Variants in C12orf42 observed in about 807,000 individuals in gnomAD.
C12orf42 encodes the protein chromosome 12 open reading frame 42, also known as uncharacterized protein C12orf42.
In C12orf42, 25 loss-of-function variants were observed where a neutral mutation model predicts 21.6. That is an observed-to-expected ratio of 1.16 (90% CI 0.84 to 1.62). The LOEUF is 1.62. C12orf42 is among the 40% of genes most tolerant of loss of function. The probability of loss-of-function intolerance (pLI) is 0.00; values close to 1 mark genes in which losing one functional copy is unlikely to be tolerated. For missense variants in C12orf42, 483 were observed against 459.3 expected, an observed-to-expected ratio of 1.05 and a Z score of -0.47; for synonymous variants, 174 against 175.0, an observed-to-expected ratio of 0.99 and a Z score of 0.05.
At chr12:103,433,275 T>A (rs967116208) in intron 2 of C12orf42, among the ~76,000 whole-genome samples, 1 of 152,240 alleles carries the variant, frequency 6.6e-6, no homozygotes. Flanking sequence ...TTTTTCTTTA[T>A]ACAAATACTG....
chr12:103,231,776 T>C, the C12orf42 span, among the ~76,000 whole-genome samples: 1 of 152,346 alleles, frequency 6.6e-6, no homozygotes, highest in African/African-American at 2.4e-5. Flanking sequence ...TACACATTCA[T>C]GTGCAGATTT....
At chr12:103,248,147 C>T (rs1416139365) in intron 10 of C12orf42, among the ~76,000 whole-genome samples, 1 of 151,902 alleles carries the variant, frequency 6.6e-6, no homozygotes, top group African/African-American at 2.4e-5. Context: ...ACCTAAAATT[C>T]CTTTGAGTTG....
rs978985514 is a variant in C12orf42 at position 103,495,509 on chromosome 12, G to A, written c.-22+393C>T. On this transcript the variant is annotated intron_variant, in intron 1 of 5. Coordinates refer to ENST00000548883, the MANE Select transcript of C12orf42 (RefSeq NM_198521.5). ...GGGAGGGCGGCGGTGGCATCGCTGC[G>A]CGGGGCGCATTGTGGGCCGCGCTCG... Among the ~76,000 whole-genome samples the A allele has an allele frequency of 2.6e-5, 4 of 152,000 alleles. No homozygotes were observed. The South Asian group carries it at 6.2e-4, about 24-fold the overall frequency.
At chr12:103,078,571 G>C in the C12orf42 span, among the ~76,000 whole-genome samples, 19 of 152,284 alleles carry the variant, frequency 1.2e-4, no homozygotes, top group Middle Eastern at 0.01. Flanking sequence ...ATAGTCAACT[G>C]TATGATGGCT....
intron 2 of C12orf42, among the ~76,000 whole-genome samples, chr12:103,439,114 A>C (rs1950987949): frequency 6.6e-6 from 1 of 152,026 alleles, no homozygotes; most frequent in South Asian, 2.1e-4. Context: ...CATATCTACA[A>C]CTATCTGATC....
chr12:103,148,636 A>AGTT, the C12orf42 span, among the ~76,000 whole-genome samples: 44,752 of 151,884 alleles, frequency 0.29, 7,633 homozygotes, highest in African/African-American at 0.46. Context: ...GTAAAATGTA[A>AGTT]TATCTTAGAA....
chr12:103,519,137 G>A, the C12orf42 span, among the ~76,000 whole-genome samples: 1 of 152,004 alleles, frequency 6.6e-6, no homozygotes, highest in African/African-American at 2.4e-5. Context: ...TCTCCTTTCT[G>A]CCACCTTGTA....
the C12orf42 span, among the ~76,000 whole-genome samples, chr12:103,544,992 C>T: frequency 6.6e-6 from 1 of 152,200 alleles, no homozygotes; most frequent in East Asian, 1.9e-4. Flanking sequence ...GTTTTTCCCC[C>T]ACTTTCTCCA....
At chr12:103,104,924 T>G in the C12orf42 span, among the ~76,000 whole-genome samples, 1 of 152,032 alleles carries the variant, frequency 6.6e-6, no homozygotes, top group Non-Finnish European at 1.5e-5. Flanking sequence ...TGTCTCTGTT[T>G]GAGGCTCTAG....
the C12orf42 span, among the ~76,000 whole-genome samples, chr12:103,561,845 T>A: frequency 6.6e-6 from 1 of 152,202 alleles, no homozygotes; most frequent in Admixed American, 6.5e-5. Context: ...TCTGGGACTT[T>A]TCAAATGTTT....
the C12orf42 span, among the ~76,000 whole-genome samples, chr12:103,172,832 G>GAATCTA: frequency 6.6e-6 from 1 of 152,076 alleles, no homozygotes; most frequent in African/African-American, 2.4e-5. Flanking sequence ...TTTGTGCCTA[G>GAATCTA]AATCTAAATT....
chr12:103,408,377 AG>A (rs1353177681), intron 2 of C12orf42, among the ~76,000 whole-genome samples: 2 of 152,224 alleles, frequency 1.3e-5, no homozygotes, highest in Non-Finnish European at 2.9e-5. Flanking sequence ...GCTTAGAAAC[AG>A]AGGAAGAGGG....
At chr12:103,087,344 C>T in the C12orf42 span, among the ~76,000 whole-genome samples, 2 of 152,096 alleles carry the variant, frequency 1.3e-5, no homozygotes, top group African/African-American at 4.8e-5. Context: ...CTAAAAACAC[C>T]AGCTACTCTG....
chr12:103,348,140 T>A (rs2042795116), intron 4 of C12orf42, among the ~76,000 whole-genome samples: 2 of 152,342 alleles, frequency 1.3e-5, no homozygotes, highest in Admixed American at 1.3e-4. Context: ...AGGCAGGCCA[T>A]GTACTACTCT....
chr12:103,118,526 C>A, the C12orf42 span, among the ~76,000 whole-genome samples: 3 of 151,088 alleles, frequency 2.0e-5, no homozygotes, highest in Non-Finnish European at 4.4e-5. Flanking sequence ...TGGCTGGGCG[C>A]GGTGGCTCAT....
chr12:103,418,988 G>T (rs923497145), intron 2 of C12orf42, among the ~76,000 whole-genome samples: 1 of 152,028 alleles, frequency 6.6e-6, no homozygotes, highest in African/African-American at 2.4e-5. Flanking sequence ...TGTACTAGAG[G>T]GGAAAAATCT....
At chr12:103,528,868 C>T in the C12orf42 span, among the ~76,000 whole-genome samples, 32,362 of 152,116 alleles carry the variant, frequency 0.21, 3,847 homozygotes, top group Non-Finnish European at 0.28. Context: ...CCTCTAATAA[C>T]TGTTTGGGGC....
chr12:103,497,879 A>T (rs986811714), upstream of C12orf42, among the ~76,000 whole-genome samples: 5 of 152,194 alleles, frequency 3.3e-5, no homozygotes, highest in African/African-American at 1.2e-4. Context: ...AAACAAAATA[A>T]AAAAAATTAG....
chr12:103,518,764 C>T, the C12orf42 span, among the ~76,000 whole-genome samples: 1 of 152,162 alleles, frequency 6.6e-6, no homozygotes, highest in Admixed American at 6.6e-5. Context: ...CCAAACCTTC[C>T]CTTCCAGGCA....
Sources: gnomAD v4.1 joint callset for allele counts (sites outside exome capture counted in the v4.1 genomes callset) on GRCh38, gnomAD v4.1.1 for gene constraint, MANE v1.5 for transcripts, NCBI Gene and HGNC (gene_info 2026-07-23, HGNC 2026-07-21) for gene names.